PLA2R1: variants seen among roughly 807,000 people sequenced by gnomAD.
The protein encoded by PLA2R1 is secretory phospholipase A2 receptor.
Under a neutral mutation model 195.9 loss-of-function variants are expected in PLA2R1, and 158 were observed. That is an observed-to-expected ratio of 0.81 (90% CI 0.71 to 0.92). The LOEUF (loss-of-function observed/expected upper bound fraction) is 0.92. PLA2R1 is among the 40% of genes least tolerant of loss of function. PLA2R1 has a pLI of 0.00. For missense variants in PLA2R1, 1,626 were observed against 1,764.6 expected (o/e 0.92, Z 1.41); for synonymous variants, 586 against 598.2 (o/e 0.98, Z 0.30).
intron 17 of PLA2R1, among the ~76,000 whole-genome samples, 157 bp downstream of exon 17, chr2:159,975,911 A>G (rs36008321): frequency 0.034 from 5,184 of 152,266 alleles, 104 homozygotes; most frequent in East Asian, 0.052. Context: ...TAGGAAAAAA[A>G]TTCTCAAAAA....
chr2:160,031,467 G>A (rs141228124), intron 4 of PLA2R1, among the ~76,000 whole-genome samples: 1,587 of 152,232 alleles, frequency 0.01, 13 homozygotes, highest in Non-Finnish European at 0.017. Context: ...TTGTTAAATG[G>A]TTAACACACA....
Position 159,944,930 on chromosome 2 carries a change from C to CT in PLA2R1, c.4119dup (p.Gly1374ArgfsTer5), listed in dbSNP as rs746999253. 2.5e-5 allele frequency: 40 copies of CT among 1,609,360 alleles called. No individual in the cohort carries two copies. Among genetic ancestry groups the CT allele is most frequent in the South Asian group, 8.8e-5 (8 of 90,768 alleles). ...CCTGCCTCCATTTTACATATAAAGC[C>CT]TTTTTTTTCTTGACACGGGGATAGC... On this transcript the variant is annotated frameshift_variant, in exon 28 of 30. Transcript: ENST00000283243. LOFTEE classifies it high-confidence loss of function.
Position 159,941,120 on chromosome 2 carries a change from GC to G in PLA2R1, c.*657del, listed in dbSNP as rs1312299913. The G allele has an allele frequency of 6.6e-6, 1 of 152,144 alleles. No homozygotes were observed. The highest frequency in any genetic ancestry group is 2.4e-5 in the African/African-American group (1 of 41,430). 9.4% of individuals were successfully genotyped at this position (152,144 alleles called of 1,614,324 possible). On this transcript the variant is annotated 3_prime_UTR_variant, in exon 30 of 30. Transcript: ENST00000283243. ...ATATGGTTGTTTATAAAAGTGTGCT[GC>G]TAATGAAGGTCTTTGCCATTTAAAA... is the stretch of plus-strand genomic sequence containing the variant.
In PLA2R1 at chr2:160,022,708, G is replaced by A; in HGVS notation, c.1251C>T (p.Thr417=). ...QADNSALIDI[T]SLAEVEFLVT... ...CAAGAAACTCCACCTCTGCTAATGA[G>A]GTTATGTCTATTAATGCACTGTTAT... is the stretch of plus-strand genomic sequence containing the variant. The change falls in exon 7 of 30, where the codon ACC becomes ACT. Residue 417 remains threonine (T), a synonymous_variant. Coordinates refer to ENST00000283243, the MANE Select transcript of PLA2R1 (RefSeq NM_007366.5). The A allele has an allele frequency of 1.2e-6, 2 of 1,612,782 alleles. No individual in the cohort carries two copies. The highest frequency in any genetic ancestry group is 1.7e-6 in the Non-Finnish European group (2 of 1,179,330).
intron 20 of PLA2R1, among the ~76,000 whole-genome samples, chr2:159,961,514 C>G (rs1332811625): frequency 6.6e-6 from 1 of 152,188 alleles, no homozygotes; most frequent in Non-Finnish European, 1.5e-5. Flanking sequence ...TTGACCAGGG[C>G]TGAAAACTAC....
At chr2:159,947,081 A>C (rs1459081962) in intron 26 of PLA2R1, among the ~76,000 whole-genome samples, 164 bp from the exon 27 acceptor site, 1 of 152,256 alleles carries the variant, frequency 6.6e-6, no homozygotes, top group Non-Finnish European at 1.5e-5. Flanking sequence ...CATTTTTTAA[A>C]AGATACAAGC....
At chr2:159,945,965 A>G in intron 27 of PLA2R1, 1 of 955,806 alleles carries the variant, frequency 1.0e-6, no homozygotes, top group Non-Finnish European at 1.2e-6. Flanking sequence ...CTAATCGAGT[A>G]AAGAAAAATC....
intron 1 of PLA2R1, among the ~76,000 whole-genome samples, chr2:160,055,541 T>C (rs1350512173): frequency 6.6e-6 from 1 of 152,226 alleles, no homozygotes; most frequent in Non-Finnish European, 1.5e-5. Flanking sequence ...GCTGGCCTCC[T>C]ATTCTTCCTG....
At chr2:160,036,715 C>T (rs1195760422) in intron 3 of PLA2R1, among the ~76,000 whole-genome samples, 1 of 152,204 alleles carries the variant, frequency 6.6e-6, no homozygotes, top group Non-Finnish European at 1.5e-5. Flanking sequence ...CACCCTGACT[C>T]AGTGCTCAGT....
chr2:160,028,425 A>G (rs1284602435), intron 5 of PLA2R1, 64 bp from the exon 6 acceptor site: 2 of 1,206,452 alleles, frequency 1.7e-6, no homozygotes, highest in Non-Finnish European at 2.4e-6. Flanking sequence ...ATATATTGAA[A>G]TGTGGTTTTC....
intron 11 of PLA2R1, among the ~76,000 whole-genome samples, chr2:159,997,931 C>T (rs1691329883): frequency 6.6e-6 from 1 of 152,076 alleles, no homozygotes; most frequent in South Asian, 2.1e-4. Flanking sequence ...GGTTTTAAAC[C>T]ATGTATTTAA....
chr2:159,951,372 A>T lies in PLA2R1; in HGVS notation c.3508T>A (p.Tyr1170Asn), dbSNP rs1021936759. Residue 1170 changes from tyrosine (Y) to asparagine (N), a missense_variant, in exon 24 of 30, where the codon TAT (tyrosine) becomes AAT (asparagine). Coordinates refer to ENST00000283243, the MANE Select transcript of PLA2R1 (RefSeq NM_007366.5). ...GTGAACAGTCCAATCCAGTGGGCAT[A>T]TCCTAGCCGGTTGAGGACAACAGTG... ...FLTVVLNRLGYAHWIGLFTTD... is the reference protein window; with the variant it reads ...FLTVVLNRLGNAHWIGLFTTD... 12 of 1,612,002 alleles carry T rather than the reference A, an allele frequency of 7.4e-6. No individual in the cohort carries two copies. The highest frequency in any genetic ancestry group is 1.3e-5 in the African/African-American group (1 of 74,880).
At chr2:159,982,509 C>A (rs1334775268) in intron 13 of PLA2R1, among the ~76,000 whole-genome samples, 1 of 152,180 alleles carries the variant, frequency 6.6e-6, no homozygotes, top group African/African-American at 2.4e-5. Flanking sequence ...CCTTCTAGAA[C>A]CCTTTACGAT....
intron 1 of PLA2R1, among the ~76,000 whole-genome samples, chr2:160,053,348 TG>T (rs5835790): frequency 0.55 from 75,966 of 139,320 alleles, 20,507 homozygotes; most frequent in African/African-American, 0.64. Flanking sequence ...ACGAATTTGG[TG>T]GGGGGGGGGG....
chr2:159,925,252 A>G, the PLA2R1 span, among the ~76,000 whole-genome samples: 1 of 152,136 alleles, frequency 6.6e-6, no homozygotes, highest in African/African-American at 2.4e-5. Context: ...CGGCAATGGT[A>G]AGCATCTTAC....
At chr2:160,016,559 T>G in intron 9 of PLA2R1, 55 bp downstream of exon 9, 1 of 815,008 alleles carries the variant, frequency 1.2e-6, no homozygotes, top group South Asian at 1.5e-5. Context: ...ATGGTGGAAT[T>G]GATATTCTAG....
chr2:159,992,587 G>T (rs1232595106), intron 11 of PLA2R1, among the ~76,000 whole-genome samples: 1 of 149,662 alleles, frequency 6.7e-6, no homozygotes, highest in African/African-American at 2.5e-5. Context: ...TGGCCATACT[G>T]CCCAAGGTAA....
At chr2:160,052,924 CAAACAAAA>C (rs773228413) in intron 1 of PLA2R1, among the ~76,000 whole-genome samples, 54 of 124,560 alleles carry the variant, frequency 4.3e-4, no homozygotes, top group Middle Eastern at 8.8e-3. Context: ...TGTTAAAAAA[CAAACAAAA>C]AAACAAACAA....
At chr2:159,968,323 C>A (rs1574693517) in intron 19 of PLA2R1, among the ~76,000 whole-genome samples, 1 of 151,396 alleles carries the variant, frequency 6.6e-6, no homozygotes, top group East Asian at 1.9e-4. Context: ...AATTCCAGAA[C>A]AGGGCAGAAT....
Sources: gnomAD v4.1 joint callset for allele counts (sites outside exome capture counted in the v4.1 genomes callset) on GRCh38, gnomAD v4.1.1 for gene constraint, MANE v1.5 for transcripts, NCBI Gene and HGNC (gene_info 2026-07-23, HGNC 2026-07-21) for gene names.